METTL15: variants seen among roughly 807,000 people sequenced by gnomAD.
METTL15 encodes the protein 12S rRNA N(4)-cytidine methyltransferase METTL15.
METTL15 carries 34 observed loss-of-function variants against 38.3 expected under a neutral mutation model. The observed-to-expected ratio is 0.89, with a 90% CI of 0.68 to 1.18. The LOEUF (loss-of-function observed/expected upper bound fraction) is 1.18, where lower values mean the gene tolerates loss of function less well. Ranked by LOEUF, METTL15 falls within the 50% of genes most tolerant of loss-of-function variation. The probability of loss-of-function intolerance (pLI) is 0.00; values close to 1 mark genes in which losing one functional copy is unlikely to be tolerated. For synonymous variants in METTL15, 162 were observed against 170.9 expected (o/e 0.95, Z 0.41); for missense variants, 438 against 498.4 (o/e 0.88, Z 1.15).
chr11:28,409,175 G>T (rs907339858), intron 5 of METTL15, among the ~76,000 whole-genome samples: 9 of 151,980 alleles, frequency 5.9e-5, no homozygotes, highest in African/African-American at 2.2e-4. Context: ...GAGGTCTGGA[G>T]ATCGAGACCA....
At chr11:28,442,884 T>C (rs138334963) in intron 6 of METTL15, among the ~76,000 whole-genome samples, 3 of 152,338 alleles carry the variant, frequency 2.0e-5, no homozygotes, top group East Asian at 1.9e-4. Flanking sequence ...TTTTTTATTA[T>C]AAAAGTAATG....
intron 6 of METTL15, among the ~76,000 whole-genome samples, chr11:28,300,687 A>C (rs1429440007): frequency 6.6e-6 from 1 of 152,176 alleles, no homozygotes; most frequent in Non-Finnish European, 1.5e-5. Context: ...ACACATGTTC[A>C]TACATATGCT....
chr11:28,145,520 GAACTGGC>G (rs1849850529), intron 3 of METTL15: 1 of 151,936 alleles, frequency 6.6e-6, no homozygotes, highest in South Asian at 2.1e-4. Context: ...CAGGATGTTA[GAACTGGC>G]TTTGGCCTGT....
chr11:28,194,825 G>GT (rs1033101386), intron 3 of METTL15, among the ~76,000 whole-genome samples: 41 of 147,338 alleles, frequency 2.8e-4, no homozygotes, highest in African/African-American at 7.5e-4. Context: ...GCCCCAATAG[G>GT]TTTTTTTTTT....
intron 4 of METTL15, among the ~76,000 whole-genome samples, chr11:28,235,887 T>G (rs900840487): frequency 1.3e-5 from 2 of 152,098 alleles, no homozygotes; most frequent in African/African-American, 4.8e-5. Flanking sequence ...CTTGTGCCAG[T>G]TTTCAAAGGG....
At chr11:28,467,860 AG>A (rs1451419809) in intron 6 of METTL15, among the ~76,000 whole-genome samples, 1 of 152,192 alleles carries the variant, frequency 6.6e-6, no homozygotes, top group African/African-American at 2.4e-5. Flanking sequence ...GAGATATTTT[AG>A]TAGCATGGCC....
downstream of METTL15, among the ~76,000 whole-genome samples, chr11:28,336,698 C>T (rs922801325): frequency 3.3e-5 from 5 of 152,238 alleles, no homozygotes; most frequent in East Asian, 9.6e-4. Flanking sequence ...CATCACAGGG[C>T]AACGTAATAG....
intron 6 of METTL15, among the ~76,000 whole-genome samples, chr11:28,432,974 T>C (rs1460321393): frequency 6.6e-6 from 1 of 151,992 alleles, no homozygotes; most frequent in East Asian, 1.9e-4. Flanking sequence ...AAGGTCATTC[T>C]TATCTGTATA....
At chr11:28,239,528 A>C (rs1437830444) in intron 4 of METTL15, among the ~76,000 whole-genome samples, 3 of 152,190 alleles carry the variant, frequency 2.0e-5, no homozygotes, top group Non-Finnish European at 2.9e-5. Flanking sequence ...TTCTGCCATT[A>C]AAATCCTTCT....
chr11:28,330,404 C>G lies in METTL15; in HGVS notation c.787C>G (p.Pro263Ala). The change falls in exon 7 of 7, where the codon CCT (proline) becomes GCT (alanine). Residue 263 changes from proline to alanine, a missense_variant. Transcript: ENST00000407364. ...QLASIVAGAF[P>A]PSAIYTRKDL... ...TACAACATTTGTTTTAGGAGCATTTCCTCCCTCTGCTATTTATACACGGAA... is the reference window on the plus strand; with the variant it reads ...TACAACATTTGTTTTAGGAGCATTTGCTCCCTCTGCTATTTATACACGGAA... The G allele has an allele frequency of 6.5e-7, 1 of 1,536,916 alleles. No individual in the cohort carries two copies. The highest frequency in any genetic ancestry group is 8.8e-7 in the Non-Finnish European group (1 of 1,141,716).
intron 5 of METTL15, chr11:28,410,625 C>T (rs1850716397): frequency 6.6e-6 from 1 of 151,996 alleles, no homozygotes; most frequent in Admixed American, 6.6e-5. Context: ...ATATTTCTAA[C>T]ATAATAAAGC....
chr11:28,120,897 G>A (rs1418852534), intron 3 of METTL15, among the ~76,000 whole-genome samples: 1 of 151,732 alleles, frequency 6.6e-6, no homozygotes, highest in Non-Finnish European at 1.5e-5. Flanking sequence ...AAATTTTAAT[G>A]AGTACATAGC....
At chr11:28,468,374 G>A (rs375152123) in intron 6 of METTL15, among the ~76,000 whole-genome samples, 23 of 152,054 alleles carry the variant, frequency 1.5e-4, no homozygotes, top group East Asian at 7.7e-4. Flanking sequence ...ATGGTAGTGC[G>A]TTCACGAAAA....
intron 4 of METTL15, among the ~76,000 whole-genome samples, chr11:28,222,980 A>G (rs1026838105): frequency 6.6e-6 from 1 of 152,162 alleles, no homozygotes; most frequent in Non-Finnish European, 1.5e-5. Context: ...AGGGCAATCA[A>G]AATAATAATG....
intron 5 of METTL15, among the ~76,000 whole-genome samples, chr11:28,389,977 G>A (rs1254310526): frequency 6.6e-6 from 1 of 152,084 alleles, no homozygotes; most frequent in African/African-American, 2.4e-5. Context: ...TTTCTCTGAT[G>A]GCCAGTGATG....
chr11:28,296,742 C>T lies in METTL15; in HGVS notation c.600-11C>T, dbSNP rs1263396791. The T allele has an allele frequency of 1.1e-5, 18 of 1,612,062 alleles. No individual in the cohort carries two copies. Among genetic ancestry groups the T allele is most frequent in the Middle Eastern group, 3.6e-4 (2 of 5,580 alleles). On this transcript the variant is annotated splice_polypyrimidine_tract_variant and intron_variant, in intron 5 of 6. Coordinates refer to ENST00000407364, the MANE Select transcript of METTL15 (RefSeq NM_001113528.2). ...GATGTCAGTGAACTAATTGGCTCTT[C>T]TTGTGCGTAGGTACCCTGACATGCC...
chr11:28,164,288 A>C (rs1850578605), intron 3 of METTL15, among the ~76,000 whole-genome samples: 1 of 152,076 alleles, frequency 6.6e-6, no homozygotes, highest in African/African-American at 2.4e-5. Context: ...TTCTCCTGGG[A>C]TGTCATAAAA....
chr11:28,330,596 C>T lies in METTL15; in HGVS notation c.979C>T (p.Arg327Cys), dbSNP rs759837555. Residue 327 changes from arginine (R) to cysteine (C), a missense_variant, in exon 7 of 7, where the codon CGC becomes TGC. Transcript: ENST00000407364. ...CCTCTCCTTCCATTCACTAGAGGAT[C>T]GCATCGTCAAAAGATTTTTGCTTGG... ...VALSFHSLED[R>C]IVKRFLLGIS... 36 of 1,551,302 alleles carry T rather than the reference C, an allele frequency of 2.3e-5. No individual in the cohort carries two copies. Among genetic ancestry groups the T allele is most frequent in the South Asian group, 8.3e-5 (7 of 84,050 alleles).
chr11:28,227,037 C>T lies in METTL15; in HGVS notation c.407+15839C>T, dbSNP rs77935247. Among the ~76,000 whole-genome samples, 630 of 151,828 alleles carry T rather than the reference C, an allele frequency of 4.1e-3. 4 individuals carry two copies. Among genetic ancestry groups the T allele is most frequent in the Admixed American group, 8.1e-3 (123 of 15,238 alleles). ...ACGAAAATAGGATATTGTATTTTGC[C>T]CCATTTAATATTATTAAATATAACC... On this transcript the variant is annotated intron_variant, in intron 4 of 6. Transcript: ENST00000407364.
Sources: gnomAD v4.1 joint callset for allele counts (sites outside exome capture counted in the v4.1 genomes callset) on GRCh38, gnomAD v4.1.1 for gene constraint, MANE v1.5 for transcripts, NCBI Gene and HGNC (gene_info 2026-07-23, HGNC 2026-07-21) for gene names.